Variants in SMOC2 observed in about 807,000 individuals in gnomAD.
The protein encoded by SMOC2 is SPARC-related modular calcium-binding protein 2.
Under a neutral mutation model 61.4 loss-of-function variants are expected in SMOC2, and 39 were observed. The ratio of observed to expected loss-of-function variants is 0.64; its 90% CI spans 0.49 to 0.83. The LOEUF (loss-of-function observed/expected upper bound fraction) is 0.83. Among genes scored for constraint, SMOC2 ranks in the 40% least tolerant of loss-of-function variants. The pLI is 0.00. For synonymous variants in SMOC2, 247 were observed against 239.9 expected (o/e 1.03, Z -0.27); for missense variants, 556 against 592.9 (o/e 0.94, Z 0.65).
intron 1 of SMOC2, among the ~76,000 whole-genome samples, chr6:168,459,815 G>A (rs565700600): frequency 6.8e-6 from 1 of 147,996 alleles, no homozygotes; most frequent in Non-Finnish European, 1.5e-5. Flanking sequence ...CGGGCTGGGT[G>A]AGCCCTGGGG....
chr6:168,603,117 C>CCCCTG (rs3034317), intron 8 of SMOC2, among the ~76,000 whole-genome samples: 35,280 of 151,794 alleles, frequency 0.23, 4,393 homozygotes, highest in South Asian at 0.28. Flanking sequence ...TCTGACATTT[C>CCCCTG]CCCTGCTTGC....
rs112865264 is a variant in SMOC2, at chr6:168,628,357, A to G, written c.907+20118A>G. ...CATCATGCTGCCATAAATTAATATC[A>G]CCTGAAAAAATATAAGTAAACACTG... is the stretch of plus-strand genomic sequence containing the variant. On this transcript the variant is annotated intron_variant, in intron 9 of 12. Coordinates refer to ENST00000356284, the MANE Select transcript of SMOC2 (RefSeq NM_001166412.2). Among the ~76,000 whole-genome samples the G allele has an allele frequency of 3.3e-3, 501 of 152,256 alleles. 3 individuals are homozygous for G. Among genetic ancestry groups the G allele is most frequent in the Non-Finnish European group, 5.6e-3 (381 of 68,014 alleles).
chr6:168,641,641 T>A (rs1310225942), intron 9 of SMOC2, among the ~76,000 whole-genome samples: 1 of 152,156 alleles, frequency 6.6e-6, no homozygotes, highest in Non-Finnish European at 1.5e-5. Context: ...GGCAAAGAAT[T>A]TCTGGAATGT....
chr6:168,634,582 G>A (rs1454076266), intron 9 of SMOC2, among the ~76,000 whole-genome samples: 1 of 152,236 alleles, frequency 6.6e-6, no homozygotes. Context: ...TCCTGAGAGA[G>A]AAGTCCAGCA....
chr6:168,551,650 C>T (rs1043447559), intron 7 of SMOC2, among the ~76,000 whole-genome samples: 2 of 152,072 alleles, frequency 1.3e-5, no homozygotes, highest in Admixed American at 6.6e-5. Flanking sequence ...GACAGGGTTT[C>T]ACCATGTTAG....
chr6:168,510,054 A>C lies in SMOC2; in HGVS notation c.224A>C (p.Gln75Pro). The change falls in exon 2 of 13, where the codon CAG becomes CCG. Residue 75 changes from glutamine to proline, a missense_variant. Gln to Pro is a moderately conservative substitution (Grantham distance 76). Transcript: ENST00000356284. ...EFQRAKCKDP[Q>P]LEIAYRGNCK... The stretch of plus-strand genomic sequence containing the variant: ...CAACGTGCCAAGTGCAAAGATCCCC[A>C]GCTAGAGATTGCATATCGAGGAAAC... The C allele has an allele frequency of 6.2e-7, 1 of 1,614,194 alleles. No homozygotes were observed. The highest frequency in any genetic ancestry group is 8.5e-7 in the Non-Finnish European group (1 of 1,180,008).
intron 9 of SMOC2, among the ~76,000 whole-genome samples, chr6:168,622,692 A>G (rs993765255): frequency 1.3e-5 from 2 of 152,090 alleles, no homozygotes; most frequent in Non-Finnish European, 2.9e-5. Flanking sequence ...GCTATTTCCA[A>G]GCCCTTTCCA....
intron 2 of SMOC2, among the ~76,000 whole-genome samples, chr6:168,519,097 G>T (rs969724954): frequency 6.8e-6 from 1 of 148,072 alleles, no homozygotes; most frequent in Non-Finnish European, 1.5e-5. Flanking sequence ...GTGTGAACAT[G>T]CGTGTGTGAA....
chr6:168,473,384 C>T (rs1782008694), intron 1 of SMOC2, among the ~76,000 whole-genome samples: 1 of 152,200 alleles, frequency 6.6e-6, no homozygotes, highest in Non-Finnish European at 1.5e-5. Context: ...AGGTCCTTTC[C>T]CTGCAGCACC....
At chr6:168,578,992 G>T (rs1222099612) in intron 7 of SMOC2, among the ~76,000 whole-genome samples, 1 of 152,182 alleles carries the variant, frequency 6.6e-6, no homozygotes, top group Non-Finnish European at 1.5e-5. Flanking sequence ...AGGGCTAAAG[G>T]CCCTGAGTGC....
intron 4 of SMOC2, among the ~76,000 whole-genome samples, chr6:168,541,788 T>C (rs989060268): frequency 3.3e-5 from 5 of 152,192 alleles, no homozygotes; most frequent in African/African-American, 4.8e-5. Context: ...AGATTAACTT[T>C]GTGTGGACTT....
At chr6:168,651,973 G>A (rs773449610) in intron 10 of SMOC2, among the ~76,000 whole-genome samples, 34 of 151,284 alleles carry the variant, frequency 2.2e-4, no homozygotes, top group Non-Finnish European at 4.3e-4. Context: ...CCTGGGAGGC[G>A]GAGATTGCAG....
At chr6:168,607,596 T>G (rs1479637646) in intron 8 of SMOC2, among the ~76,000 whole-genome samples, 1 of 151,948 alleles carries the variant, frequency 6.6e-6, no homozygotes, top group Non-Finnish European at 1.5e-5. Context: ...TTTTTTTTTT[T>G]TTAACACTGA....
At chr6:168,586,167 G>T (rs113825834) in intron 7 of SMOC2, among the ~76,000 whole-genome samples, 47 of 152,190 alleles carry the variant, frequency 3.1e-4, no homozygotes, top group African/African-American at 9.6e-4. Context: ...ATTTGTGTGT[G>T]TGGTGAGTTA....
chr6:168,511,692 ACT>A (rs1783012144), intron 2 of SMOC2, among the ~76,000 whole-genome samples: 1 of 151,570 alleles, frequency 6.6e-6, no homozygotes, highest in African/African-American at 2.4e-5. Context: ...CCGGTGGCAA[ACT>A]CAACCCCTAT....
chr6:168,555,969 A>T (rs1784239436), intron 7 of SMOC2, among the ~76,000 whole-genome samples: 1 of 152,036 alleles, frequency 6.6e-6, no homozygotes, highest in African/African-American at 2.4e-5. Flanking sequence ...TGCGTGGACG[A>T]GGTGGACGCT....
rs1033842190 is a variant in SMOC2 at position 168,553,331 on chromosome 6, CTTTGT to C, written c.637+4132_637+4136del. On this transcript the variant is annotated intron_variant, in intron 7 of 12. Coordinates refer to ENST00000356284, the MANE Select transcript of SMOC2 (RefSeq NM_001166412.2). The surrounding 1 kb of genome is among the most constrained non-coding windows in gnomAD (Gnocchi z 4.2). ...TACTTCTTTTACTGTCTCAAATCATCTTTGTTTTATTACTCTTTTCATAGAAGATA... is the reference window on the plus strand; with the variant it reads ...TACTTCTTTTACTGTCTCAAATCATCTTTATTACTCTTTTCATAGAAGATA... 1.2e-4 allele frequency among the ~76,000 whole-genome samples: 18 copies of C among 152,138 alleles called. No homozygotes were observed. Among genetic ancestry groups the C allele is most frequent in the African/African-American group, 3.6e-4 (15 of 41,438 alleles).
rs1295402762 is a variant in SMOC2 at position 168,559,143 on chromosome 6, T to C, written c.637+9940T>C. Among the ~76,000 whole-genome samples, 3 of 152,208 alleles carry C rather than the reference T, an allele frequency of 2.0e-5. No individual in the cohort carries two copies. The South Asian group carries it at 6.2e-4, about 31-fold the overall frequency. On this transcript the variant is annotated intron_variant, in intron 7 of 12. Transcript: ENST00000356284. ...CATAAACTGAGTGAAATATCTCTTT[T>C]TGCCATTCACACTTAAGAATAGTAA... is the stretch of plus-strand genomic sequence containing the variant.
intron 7 of SMOC2, among the ~76,000 whole-genome samples, chr6:168,558,927 G>A (rs375824956): frequency 6.2e-4 from 95 of 152,044 alleles, no homozygotes; most frequent in African/African-American, 1.5e-3. Context: ...GTGCTTGTGC[G>A]CACGTGTGTG....
Sources: gnomAD v4.1 joint callset for allele counts (sites outside exome capture counted in the v4.1 genomes callset) on GRCh38, gnomAD v4.1.1 for gene constraint, Gnocchi (gnomAD v3.1) non-coding constraint, MANE v1.5 for transcripts, NCBI Gene and HGNC (gene_info 2026-07-23, HGNC 2026-07-21) for gene names.